HEATR4: variants seen among roughly 807,000 people sequenced by gnomAD.
HEATR4 encodes the protein HEAT repeat-containing protein 4.
Under a neutral mutation model 108.8 loss-of-function variants are expected in HEATR4, and 95 were observed. The observed-to-expected ratio is 0.87, with a 90% CI of 0.74 to 1.04. The LOEUF (loss-of-function observed/expected upper bound fraction) is 1.04. HEATR4 is among the 50% of genes least tolerant of loss of function. HEATR4 has a pLI of 0.00. For synonymous variants in HEATR4, 443 were observed against 459.4 expected, an observed-to-expected ratio of 0.96 and a Z score of 0.46; for missense variants, 1,152 against 1,253.8, an observed-to-expected ratio of 0.92 and a Z score of 1.23.
At chr14:73,581,492 T>C in the HEATR4 span, 1 of 152,092 alleles carries the variant, frequency 6.6e-6, no homozygotes, top group South Asian at 2.1e-4. Flanking sequence ...TCTCAGGGGC[T>C]CCAGGCCTCA....
At chr14:73,513,851 G>A (rs758382944) in intron 6 of HEATR4, among the ~76,000 whole-genome samples, 180 bp downstream of exon 6, 11 of 148,264 alleles carry the variant, frequency 7.4e-5, no homozygotes, top group Non-Finnish European at 1.6e-4. Flanking sequence ...CCAGATATAT[G>A]TTAACTGAAG....
chr14:73,561,109 T>C (rs1194146808), upstream of HEATR4, among the ~76,000 whole-genome samples: 1 of 152,108 alleles, frequency 6.6e-6, no homozygotes, highest in Non-Finnish European at 1.5e-5. Flanking sequence ...CTCAGGCCTG[T>C]AATCCCAGCA....
chr14:73,579,476 G>A, the HEATR4 span, among the ~76,000 whole-genome samples: 7,567 of 150,148 alleles, frequency 0.05, 357 homozygotes, highest in African/African-American at 0.11. Flanking sequence ...TCGGGAGGCT[G>A]TGGCAGGAGA....
the HEATR4 span, among the ~76,000 whole-genome samples, chr14:73,627,791 G>A: frequency 2.7e-5 from 4 of 150,526 alleles, no homozygotes; most frequent in African/African-American, 9.8e-5. Flanking sequence ...GGTTTGGTAG[G>A]TTTACAGTGG....
the HEATR4 span, among the ~76,000 whole-genome samples, chr14:73,566,443 C>T: frequency 6.6e-6 from 1 of 152,144 alleles, no homozygotes; most frequent in Non-Finnish European, 1.5e-5. Context: ...GGGGGAGGCT[C>T]AGGCATGGAG....
chr14:73,616,450 T>C, the HEATR4 span, among the ~76,000 whole-genome samples: 1 of 152,000 alleles, frequency 6.6e-6, no homozygotes, highest in Admixed American at 6.6e-5. Flanking sequence ...CGCAGCACTT[T>C]GGGAGGCCAA....
At chr14:73,568,396 A>C in the HEATR4 span, among the ~76,000 whole-genome samples, 1 of 151,496 alleles carries the variant, frequency 6.6e-6, no homozygotes, top group African/African-American at 2.4e-5. Flanking sequence ...ATAGCTTACG[A>C]AAAAGTAGAA....
In HEATR4 at chr14:73,546,040, G is replaced by A. The variant is rs1177810849; in HGVS notation, c.-152+12711C>T. On this transcript the variant is annotated intron_variant, in intron 1 of 17. Transcript: ENST00000553558. ...TCTGTTGCCCAGGCTAGAGTACAATGGCTTGATCTCGGCTCACTGCAACCT... is the reference window on the plus strand; with the variant it reads ...TCTGTTGCCCAGGCTAGAGTACAATAGCTTGATCTCGGCTCACTGCAACCT... 1.8e-5 allele frequency among the ~76,000 whole-genome samples: 2 copies of A among 113,928 alleles called. 1 individual carries two copies. Among genetic ancestry groups the A allele is most frequent in the Non-Finnish European group, 3.8e-5 (2 of 52,438 alleles). The allele number at this position is 113,928 out of a possible 152,430, so 74.7% of individuals were successfully genotyped here. A position where few individuals can be genotyped will look rare whatever the true frequency, so the allele number is the denominator to read the frequency against.
the HEATR4 span, chr14:73,617,264 T>C: frequency 1.9e-6 from 3 of 1,589,202 alleles, no homozygotes; most frequent in Non-Finnish European, 1.7e-6. Flanking sequence ...CCAAAAGCCC[T>C]GCCAGAACAC....
chr14:73,543,213 T>G, intron 1 of HEATR4: 1 of 1,603,978 alleles, frequency 6.2e-7, no homozygotes, highest in African/African-American at 1.4e-5. Context: ...CTGCCCCCTG[T>G]GGGCGTCAAC....
the HEATR4 span, chr14:73,569,265 CA>C: frequency 6.2e-7 from 1 of 1,613,882 alleles, no homozygotes; most frequent in Non-Finnish European, 8.5e-7. Flanking sequence ...TCTTTCTCCC[CA>C]CCCCCATTCA....
the HEATR4 span, among the ~76,000 whole-genome samples, chr14:73,618,148 A>G: frequency 6.6e-6 from 1 of 152,170 alleles, no homozygotes; most frequent in African/African-American, 2.4e-5. Flanking sequence ...CATCTCAAAA[A>G]AAAACCCAAC....
intron 2 of HEATR4, among the ~76,000 whole-genome samples, chr14:73,527,921 A>G (rs1888435991): frequency 7.3e-6 from 1 of 136,096 alleles, no homozygotes; most frequent in African/African-American, 2.8e-5. Context: ...AGAGGTTGCC[A>G]CCGTACTCCA....
the HEATR4 span, among the ~76,000 whole-genome samples, chr14:73,580,185 G>A: frequency 2.6e-5 from 4 of 152,064 alleles, no homozygotes; most frequent in African/African-American, 9.7e-5. Context: ...GGAGTGCAGT[G>A]GCGCTATCAT....
chr14:73,557,897 G>C (rs1889424538), intron 1 of HEATR4, among the ~76,000 whole-genome samples: 1 of 92,480 alleles, frequency 1.1e-5, no homozygotes, highest in Non-Finnish European at 2.5e-5. Context: ...GTCTTACTAT[G>C]TTGTCCAGGC....
the HEATR4 span, among the ~76,000 whole-genome samples, chr14:73,605,123 C>A: frequency 6.6e-6 from 1 of 151,022 alleles, no homozygotes. Context: ...CTTTTTCCAG[C>A]AAAACAAGAT....
At position 73,514,252 on chromosome 14, in the gene HEATR4, G is replaced by T. The variant is rs774078943; in HGVS notation, c.1211-18C>A. Reference sequence around the variant, plus strand: ...TCTGTAAGCTGTGCAACGTGGCAGTGTGAGGTCTTTTCACCCCACTGCCTT... The same window carrying T: ...TCTGTAAGCTGTGCAACGTGGCAGTTTGAGGTCTTTTCACCCCACTGCCTT... On this transcript the variant is annotated intron_variant, in intron 5 of 17. Transcript: ENST00000553558. 6.2e-7 allele frequency: 1 copy of T among 1,609,774 alleles called. No homozygotes were observed. Among genetic ancestry groups the T allele is most frequent in the Non-Finnish European group, 8.5e-7 (1 of 1,177,128 alleles).
chr14:73,541,691 C>G lies in HEATR4; in HGVS notation c.-151-11447G>C, dbSNP rs779608804. 59 of 1,243,102 alleles carry G rather than the reference C, an allele frequency of 4.7e-5. 19 individuals are homozygous for G. The South Asian group carries it at 7.7e-4, about 16-fold the overall frequency. 77.0% of individuals were successfully genotyped at this position (1,243,102 alleles called of 1,614,324 possible). ...GCTGTGAACTACTTGCTCAGTCATC[C>G]TGAGGTGAGTTCTTCTCTCAGATTT... On this transcript the variant is annotated intron_variant, in intron 1 of 17. Coordinates refer to ENST00000553558, the MANE Select transcript of HEATR4 (RefSeq NM_001220484.1).
chr14:73,498,280 A>C lies in HEATR4; in HGVS notation c.2421T>G (p.Tyr807Ter). 1 of 1,614,092 alleles carries C rather than the reference A, an allele frequency of 6.2e-7. No homozygotes were observed. Among genetic ancestry groups the C allele is most frequent in the South Asian group, 1.1e-5 (1 of 91,050 alleles). ...LTDLLLWAIH[Y>*]EESPGVRLEA... ...CCAGCCGTACACCTGGTGACTCTTC[A>C]TAGTGGATAGCCCAGAGCAGAAGAT... Residue 807 changes from tyrosine to a stop codon, truncating the protein, a stop_gained, in exon 14 of 18, where the codon TAT (tyrosine) becomes TAG (stop). Transcript: ENST00000553558. LOFTEE classifies it high-confidence loss of function.
Sources: allele counts gnomAD v4.1 joint callset (sites outside exome capture counted in the v4.1 genomes callset), GRCh38; gene constraint gnomAD v4.1.1; transcripts MANE v1.5; gene names NCBI Gene and HGNC (gene_info 2026-07-23, HGNC 2026-07-21).